The following FBXL14 variants were observed in gnomAD, a reference collection of about 807,000 sequenced individuals.
FBXL14 encodes the protein F-box and leucine rich repeat protein 14.
Under a neutral mutation model 24.5 loss-of-function variants are expected in FBXL14, and 11 were observed. The ratio of observed to expected loss-of-function variants is 0.45; its 90% CI spans 0.28 to 0.74. The LOEUF (loss-of-function observed/expected upper bound fraction) is 0.74, where lower values mean the gene tolerates loss of function less well. Among genes scored for constraint, FBXL14 ranks in the 30% least tolerant of loss-of-function variants. The pLI, the probability that FBXL14 is intolerant of heterozygous loss-of-function variation, is 0.12. For missense variants in FBXL14, 384 were observed against 545.6 expected, an observed-to-expected ratio of 0.70 and a Z score of 2.95; for synonymous variants, 294 against 240.4, an observed-to-expected ratio of 1.22 and a Z score of -2.06.
In FBXL14 at chr12:1,593,506, G is replaced by A; in HGVS notation, c.561C>T (p.Ile187=). 2.5e-6 allele frequency: 4 copies of A among 1,613,728 alleles called. No individual in the cohort carries two copies. Among genetic ancestry groups the A allele is most frequent in the Non-Finnish European group, 3.4e-6 (4 of 1,179,924 alleles). Residue 187 remains isoleucine, a synonymous_variant, in exon 1 of 2, where the codon ATC becomes ATT. Coordinates refer to ENST00000339235, the MANE Select transcript of FBXL14 (RefSeq NM_152441.3). The surrounding 1 kb of genome is among the most constrained non-coding windows in gnomAD (Gnocchi z 7.4). ...TGCGCGTCATGCCGGCCAGGTGCCC[G>A]ATGCCCACATCCGAAAGGTGGCGGC... ...RSCRHLSDVG[I]GHLAGMTRSA...
rs1343058031 is a variant in FBXL14, at chr12:1,593,840, AG to A, written c.226del (p.Leu76Ter). 1 of 1,613,742 alleles carries A rather than the reference AG, an allele frequency of 6.2e-7. No individual in the cohort carries two copies. The highest frequency in any genetic ancestry group is 1.3e-5 in the African/African-American group (1 of 74,936). On this transcript the variant is annotated frameshift_variant, in exon 1 of 2. Coordinates refer to ENST00000339235, the MANE Select transcript of FBXL14 (RefSeq NM_152441.3). LOFTEE classifies it high-confidence loss of function. This position sits in a 1 kb window ranked among gnomAD's most constrained non-coding sequence, Gnocchi z 7.4. ...QARGIRRVQI[L>X]SLRRSLSYVI... is the part of the protein sequence containing the mutation. ...GTAGCTGAGGCTGCGGCGGAGGCTC[AG>A]GATCTGCACCCGGCGGATGCCCCGG...
At chr12:1,573,303 G>T (rs547477860) in intron 1 of FBXL14, among the ~76,000 whole-genome samples, 2 of 152,314 alleles carry the variant, frequency 1.3e-5, no homozygotes, top group Admixed American at 1.3e-4. Flanking sequence ...TTTGGGTTAC[G>T]TTAGTATCTG....
chr12:1,575,552 C>G (rs2094454242), intron 1 of FBXL14, among the ~76,000 whole-genome samples: 3 of 152,236 alleles, frequency 2.0e-5, no homozygotes, highest in African/African-American at 7.2e-5. Context: ...GCTCACAGCT[C>G]TACTCCCCCT....
At chr12:1,566,955 T>C (rs776877815) in intron 1 of FBXL14, 145 bp from the exon 2 acceptor site, 3 of 606,534 alleles carry the variant, frequency 4.9e-6, no homozygotes, top group Non-Finnish European at 8.9e-6. Context: ...GCCAGCCCAC[T>C]CTAGCCATCT....
chr12:1,576,191 G>A (rs1180010652), intron 1 of FBXL14, among the ~76,000 whole-genome samples: 1 of 152,086 alleles, frequency 6.6e-6, no homozygotes, highest in Non-Finnish European at 1.5e-5. Context: ...GATTTGGTTT[G>A]GCCTCCCTGG....
At chr12:1,583,593 G>A (rs1368511243) in intron 1 of FBXL14, among the ~76,000 whole-genome samples, 1 of 152,150 alleles carries the variant, frequency 6.6e-6, no homozygotes, top group Non-Finnish European at 1.5e-5. Context: ...GGACCAGAGG[G>A]GATTTGTTAG....
Position 1,569,094 on chromosome 12 carries a change from G to T in FBXL14, c.1195-2284C>A, listed in dbSNP as rs759032691. Among the ~76,000 whole-genome samples, 1 of 152,062 alleles carries T rather than the reference G, an allele frequency of 6.6e-6. No individual in the cohort carries two copies. Among genetic ancestry groups the T allele is most frequent in the Non-Finnish European group, 1.5e-5 (1 of 68,000 alleles). ...ATTGAGATATAAAGAATATATTGAA[G>T]CTTTTACAGAACAAAAAGGAAAAGC... On this transcript the variant is annotated intron_variant, in intron 1 of 1. Transcript: ENST00000339235. This position sits in a 1 kb window ranked among gnomAD's most constrained non-coding sequence, Gnocchi z 4.2.
In FBXL14 at chr12:1,593,596, G is replaced by T. The variant is rs1187556125; in HGVS notation, c.471C>A (p.Thr157=). The change falls in exon 1 of 2, where the codon ACC becomes ACA. Residue 157 remains threonine, a synonymous_variant. Transcript: ENST00000339235. This position sits in a 1 kb window ranked among gnomAD's most constrained non-coding sequence, Gnocchi z 7.4. Reference sequence around the variant, plus strand: ...AGGCGATGAGCAGAAGGCCAGTGTTGGTGATGTTGCTGCAACCTCCCAGCT... The same window carrying T: ...AGGCGATGAGCAGAAGGCCAGTGTTTGTGATGTTGCTGCAACCTCCCAGCT... ...VLELGGCSNI[T]NTGLLLIAWG... 1 of 1,614,182 alleles carries T rather than the reference G, an allele frequency of 6.2e-7. No homozygotes were observed. Among genetic ancestry groups the T allele is most frequent in the East Asian group, 2.2e-5 (1 of 44,868 alleles).
At chr12:1,578,993 T>G (rs895615700) in intron 1 of FBXL14, among the ~76,000 whole-genome samples, 1 of 151,996 alleles carries the variant, frequency 6.6e-6, no homozygotes, top group African/African-American at 2.4e-5. Flanking sequence ...TCTTACAACA[T>G]TTTTGGGACA....
intron 1 of FBXL14, among the ~76,000 whole-genome samples, chr12:1,590,086 G>A (rs2094486056): frequency 6.6e-6 from 1 of 152,024 alleles, no homozygotes; most frequent in Non-Finnish European, 1.5e-5. Flanking sequence ...TGTGTCAAAT[G>A]CTGGATTAGA....
chr12:1,567,914 G>C lies in FBXL14; in HGVS notation c.1195-1104C>G, dbSNP rs938604511. ...GCGCACACACGTGCGCACACACACA[G>C]AACAGAATATCCAAGAACTGTGGGA... On this transcript the variant is annotated intron_variant, in intron 1 of 1. Transcript: ENST00000339235. This position sits in a 1 kb window ranked among gnomAD's most constrained non-coding sequence, Gnocchi z 4.8. Among the ~76,000 whole-genome samples the C allele has an allele frequency of 7.2e-5, 11 of 152,302 alleles. No individual in the cohort carries two copies. The highest frequency in any genetic ancestry group is 4.1e-4 in the South Asian group (2 of 4,830).
At chr12:1,591,717 A>C (rs961868961) in intron 1 of FBXL14, among the ~76,000 whole-genome samples, 7 of 152,066 alleles carry the variant, frequency 4.6e-5, no homozygotes, top group Non-Finnish European at 7.4e-5. Flanking sequence ...AATAGAACAG[A>C]GATAAGATAT....
At chr12:1,582,664 A>G (rs2094469006) in intron 1 of FBXL14, among the ~76,000 whole-genome samples, 1 of 152,150 alleles carries the variant, frequency 6.6e-6, no homozygotes, top group Non-Finnish European at 1.5e-5. Context: ...AGTCCCTGAA[A>G]CTTTTCCTTT....
upstream of FBXL14, among the ~76,000 whole-genome samples, chr12:1,594,624 G>T (rs1240060103): frequency 1.3e-5 from 2 of 148,752 alleles, no homozygotes; most frequent in Non-Finnish European, 3.0e-5. Flanking sequence ...CCGCCCAGGC[G>T]GGGGGACCAG....
chr12:1,583,683 C>A (rs1247949746), intron 1 of FBXL14, among the ~76,000 whole-genome samples: 1 of 152,226 alleles, frequency 6.6e-6, no homozygotes, highest in Non-Finnish European at 1.5e-5. Flanking sequence ...AAGACCAAGA[C>A]ATGGGACGTG....
chr12:1,582,281 G>T (rs2094468188), intron 1 of FBXL14, among the ~76,000 whole-genome samples: 1 of 152,196 alleles, frequency 6.6e-6, no homozygotes, highest in African/African-American at 2.4e-5. Flanking sequence ...ACGGAGTCCA[G>T]GAAAGCTGTT....
At chr12:1,592,827 G>T in intron 1 of FBXL14, 46 bp downstream of exon 1, 3 of 1,492,370 alleles carry the variant, frequency 2.0e-6, no homozygotes, top group South Asian at 2.6e-5. Flanking sequence ...ATGGGAGGAT[G>T]AACAGGGCGG....
intron 1 of FBXL14, 52 bp from the exon 2 acceptor site, chr12:1,566,862 G>A (rs2094437203): frequency 2.6e-6 from 2 of 776,968 alleles, no homozygotes; most frequent in Non-Finnish European, 2.4e-6. Context: ...GCCGCACTCT[G>A]CTCTTCCTAA....
intron 1 of FBXL14, among the ~76,000 whole-genome samples, chr12:1,587,054 A>C (rs1159387349): frequency 6.6e-6 from 1 of 152,114 alleles, no homozygotes; most frequent in Non-Finnish European, 1.5e-5. Context: ...CCTGACCAAC[A>C]TGGAGAAACC....
Sources: allele counts gnomAD v4.1 joint callset (sites outside exome capture counted in the v4.1 genomes callset), GRCh38; gene constraint gnomAD v4.1.1; non-coding constraint Gnocchi (gnomAD v3.1); transcripts MANE v1.5; gene names NCBI Gene and HGNC (gene_info 2026-07-23, HGNC 2026-07-21).